Variants in TFEB observed in about 807,000 individuals in gnomAD.
The protein encoded by TFEB is T-cell transcription factor EB.
Under a neutral mutation model 48.0 loss-of-function variants are expected in TFEB, and 12 were observed. The observed-to-expected ratio is 0.25, with a 90% CI of 0.16 to 0.40. TFEB has a LOEUF of 0.40. Among genes scored for constraint, TFEB ranks in the 10% least tolerant of loss-of-function variants. The pLI is 1.00. For synonymous variants in TFEB, 244 were observed against 261.4 expected (o/e 0.93, Z 0.64); for missense variants, 509 against 640.3 (o/e 0.79, Z 2.21).
intron 4 of TFEB, chr6:41,688,233 C>T: frequency 3.5e-6 from 2 of 572,484 alleles, no homozygotes; most frequent in Non-Finnish European, 3.0e-6. Context: ...CTCAAGGAGC[C>T]CCTGGCCTAG....
Position 41,730,134 on chromosome 6 carries a change from A to T in TFEB, c.-23+5216T>A, listed in dbSNP as rs1016600285. Among the ~76,000 whole-genome samples the T allele has an allele frequency of 1.5e-3, 229 of 149,026 alleles. 1 individual carries two copies. The highest frequency in any genetic ancestry group is 5.1e-3 in the African/African-American group (211 of 41,054). On this transcript the variant is annotated intron_variant, in intron 1 of 8. Transcript: ENST00000373033. This position sits in a 1 kb window ranked among gnomAD's most constrained non-coding sequence, Gnocchi z 4.1. The stretch of plus-strand genomic sequence containing the variant: ...TGGAATCATCCCAGAAAAAAAAAAA[A>T]TTAAATAAAGATGCCTAGGCCCCTC...
At chr6:41,733,708 T>C in intron 1 of TFEB, 3 of 985,518 alleles carry the variant, frequency 3.0e-6, no homozygotes, top group Non-Finnish European at 3.6e-6. Context: ...GACCCTTCCC[T>C]TCCTCTGCCT....
intron 1 of TFEB, among the ~76,000 whole-genome samples, chr6:41,707,735 G>A (rs1310336722): frequency 6.6e-6 from 1 of 152,174 alleles, no homozygotes; most frequent in Non-Finnish European, 1.5e-5. Flanking sequence ...CTGTGCCAGG[G>A]CAAACAGGTA....
chr6:41,724,008 TGGCCTTGGGCCTTCCCAG>T lies in TFEB; in HGVS notation c.-23+11324_-23+11341del. 2.1e-6 allele frequency: 1 copy of T among 475,490 alleles called. No homozygotes were observed. Among genetic ancestry groups the T allele is most frequent in the Non-Finnish European group, 4.2e-6 (1 of 238,020 alleles). 29.5% of individuals were successfully genotyped at this position (475,490 alleles called of 1,614,324 possible). On this transcript the variant is annotated intron_variant, in intron 1 of 8. Transcript: ENST00000373033. The surrounding 1 kb of genome is among the most constrained non-coding windows in gnomAD (Gnocchi z 4.4). Reference sequence around the variant, plus strand: ...CTGACTGGCCATACACCTGCAGTCTTGGCCTTGGGCCTTCCCAGGGCCTCCAGACACCCAGGTCGAGGC... The same window carrying T: ...CTGACTGGCCATACACCTGCAGTCTTGGCCTCCAGACACCCAGGTCGAGGC...
intron 4 of TFEB, among the ~76,000 whole-genome samples, chr6:41,688,487 G>A (rs2127447031): frequency 6.6e-6 from 1 of 152,202 alleles, no homozygotes; most frequent in East Asian, 1.9e-4. Flanking sequence ...AGTGGTGGGG[G>A]TGGAGGTGCT....
At position 41,695,158 on chromosome 6, in the gene TFEB, C is replaced by T. The variant is rs184741000; in HGVS notation, c.-22-3923G>A. Among the ~76,000 whole-genome samples the T allele has an allele frequency of 5.0e-3, 768 of 152,346 alleles. 4 individuals carry two copies. The highest frequency in any genetic ancestry group is 8.6e-3 in the Non-Finnish European group (585 of 68,042). On this transcript the variant is annotated intron_variant, in intron 1 of 8. Transcript: ENST00000373033. ...TGCTAGGCTGTCTTCCTCTCTAAAA[C>T]GCAGCACCTGCTAATCACAGCACCT...
intron 1 of TFEB, among the ~76,000 whole-genome samples, chr6:41,710,415 G>A (rs1770426125): frequency 1.3e-5 from 2 of 152,224 alleles, no homozygotes; most frequent in African/African-American, 4.8e-5. Context: ...AGGGACAACA[G>A]GCCAGGATGG....
chr6:41,684,787 C>G lies in TFEB; in HGVS notation c.1243G>C (p.Glu415Gln). 6.2e-7 allele frequency: 1 copy of G among 1,607,206 alleles called. No individual in the cohort carries two copies. Among genetic ancestry groups the G allele is most frequent in the Non-Finnish European group, 8.5e-7 (1 of 1,176,798 alleles). ...REDEGPPGYP[E>Q]PLAPGHGSPF... ...GAGCCATGCCCCGGCGCCAGGGGTTCGGGGTAGCCCGGGGGACCCTCGTCC... is the reference window on the plus strand; with the variant it reads ...GAGCCATGCCCCGGCGCCAGGGGTTGGGGGTAGCCCGGGGGACCCTCGTCC... Residue 415 changes from glutamate to glutamine, a missense_variant, in exon 9 of 9, where the codon GAA becomes CAA. By Grantham distance (29) the Glu-to-Gln change is conservative. Transcript: ENST00000373033.
chr6:41,710,825 T>C (rs1770441997), intron 1 of TFEB, among the ~76,000 whole-genome samples: 3 of 152,044 alleles, frequency 2.0e-5, no homozygotes, highest in African/African-American at 2.4e-5. Flanking sequence ...TCTCCTCCTC[T>C]CTGGAAGCCC....
chr6:41,731,413 G>A (rs1172169696), intron 1 of TFEB, among the ~76,000 whole-genome samples: 2 of 152,184 alleles, frequency 1.3e-5, no homozygotes, highest in Non-Finnish European at 2.9e-5. Flanking sequence ...ACCAGGACCA[G>A]TCTTTAGCTA....
intron 6 of TFEB, 23 bp downstream of exon 6, chr6:41,687,730 G>C: frequency 6.2e-7 from 1 of 1,614,036 alleles, no homozygotes; most frequent in South Asian, 1.1e-5. Context: ...GGGAGGCAGG[G>C]AGAGGGGCGG....
Position 41,734,816 on chromosome 6 carries a change from C to T in TFEB, c.-23+534G>A. 1 of 886,218 alleles carries T rather than the reference C, an allele frequency of 1.1e-6. No homozygotes were observed. Among genetic ancestry groups the T allele is most frequent in the Non-Finnish European group, 1.4e-6 (1 of 739,076 alleles). The allele number at this position is 886,218 out of a possible 1,614,324, so 54.9% of individuals were successfully genotyped here. A position where few individuals can be genotyped will look rare whatever the true frequency, so the allele number is the denominator to read the frequency against. On this transcript the variant is annotated intron_variant, in intron 1 of 8. Coordinates refer to ENST00000373033, the MANE Select transcript of TFEB (RefSeq NM_001271944.2). The surrounding 1 kb of genome is among the most constrained non-coding windows in gnomAD (Gnocchi z 4.0). Reference sequence around the variant, plus strand: ...ACTTCCACCCGCCCCCCCATCAGCCCAGCCCCCGGGGCGTGGCGCCGCTCT... The same window carrying T: ...ACTTCCACCCGCCCCCCCATCAGCCTAGCCCCCGGGGCGTGGCGCCGCTCT...
intron 7 of TFEB, chr6:41,686,508 C>CTTTTTTTT (rs34883692): frequency 2.7e-5 from 4 of 150,774 alleles, no homozygotes; most frequent in East Asian, 1.5e-4. Context: ...GCCTACCTTT[C>CTTTTTTTT]TTTTTTTTTT....
chr6:41,728,385 C>A (rs1162504468), intron 1 of TFEB, among the ~76,000 whole-genome samples: 1 of 152,168 alleles, frequency 6.6e-6, no homozygotes, highest in Non-Finnish European at 1.5e-5. Context: ...CCCTCTGACA[C>A]CCCCAGCTCT....
chr6:41,720,939 G>A lies in TFEB; in HGVS notation c.-23+14411C>T, dbSNP rs1056916060. Among the ~76,000 whole-genome samples, 1 of 152,112 alleles carries A rather than the reference G, an allele frequency of 6.6e-6. No individual in the cohort carries two copies. Among genetic ancestry groups the A allele is most frequent in the African/African-American group, 2.4e-5 (1 of 41,422 alleles). On this transcript the variant is annotated intron_variant, in intron 1 of 8. Transcript: ENST00000373033. The surrounding 1 kb of genome is among the most constrained non-coding windows in gnomAD (Gnocchi z 4.1). Reference sequence around the variant, plus strand: ...CCAACCCCCTGCTCCAGCAAGCATGGGCAGCTCCTGCCAGGCCTGACCCTG... The same window carrying A: ...CCAACCCCCTGCTCCAGCAAGCATGAGCAGCTCCTGCCAGGCCTGACCCTG...
chr6:41,690,924 G>C lies in TFEB; in HGVS notation c.214-7C>G. The C allele has an allele frequency of 6.3e-7, 1 of 1,578,420 alleles. No homozygotes were observed. The highest frequency in any genetic ancestry group is 8.6e-7 in the Non-Finnish European group (1 of 1,156,566). The stretch of plus-strand genomic sequence containing the variant: ...TCTCCAGGTAGGACTGCACCTGGGA[G>C]GGGGAAAAGGCAAGGGCTCTAGGGG... On this transcript the variant is annotated splice_region_variant and splice_polypyrimidine_tract_variant and intron_variant, in intron 2 of 8. Coordinates refer to ENST00000373033, the MANE Select transcript of TFEB (RefSeq NM_001271944.2).
At position 41,735,380 on chromosome 6, in the gene TFEB, C is replaced by G. The variant is rs1342655431; in HGVS notation, c.-53G>C. 1.1e-5 allele frequency: 11 copies of G among 985,620 alleles called. No individual in the cohort carries two copies. Among genetic ancestry groups the G allele is most frequent in the Non-Finnish European group, 1.3e-5 (11 of 830,448 alleles). The allele number at this position is 985,620 out of a possible 1,614,324, so 61.1% of individuals were successfully genotyped here. A position where few individuals can be genotyped will look rare whatever the true frequency, so the allele number is the denominator to read the frequency against. ...TCTGAAGGTCAATCTGTCCGCCGCCCGCGCCCCGCGGCTCCGGCAACTTGT... is the reference window on the plus strand; with the variant it reads ...TCTGAAGGTCAATCTGTCCGCCGCCGGCGCCCCGCGGCTCCGGCAACTTGT... On this transcript the variant is annotated 5_prime_UTR_variant, in exon 1 of 9. Coordinates refer to ENST00000373033, the MANE Select transcript of TFEB (RefSeq NM_001271944.2).
chr6:41,725,289 A>G (rs569643524), intron 1 of TFEB, among the ~76,000 whole-genome samples: 1 of 152,280 alleles, frequency 6.6e-6, no homozygotes, highest in East Asian at 1.9e-4. Flanking sequence ...ATCATCAGAC[A>G]TTGGCAAATG....
At chr6:41,690,293 G>GGCTGAAGTGCAGTGGCTCGATCT (rs1769231448) in intron 3 of TFEB, among the ~76,000 whole-genome samples, 1 of 151,924 alleles carries the variant, frequency 6.6e-6, no homozygotes, top group African/African-American at 2.4e-5. Flanking sequence ...ACCACGCCCA[G>GGCTGAAGTGCAGTGGCTCGATCT]CTAATTTTTG....
Sources: gnomAD v4.1 joint callset for allele counts (sites outside exome capture counted in the v4.1 genomes callset) on GRCh38, gnomAD v4.1.1 for gene constraint, Gnocchi (gnomAD v3.1) non-coding constraint, MANE v1.5 for transcripts, NCBI Gene and HGNC (gene_info 2026-07-23, HGNC 2026-07-21) for gene names.